The following OPHN1 variants were observed in gnomAD, a reference collection of about 807,000 sequenced individuals.
OPHN1 encodes oligophrenin 1.
Under a neutral mutation model 60.7 loss-of-function variants are expected in OPHN1, and 11 were observed. That is an observed-to-expected ratio of 0.18 (90% CI 0.11 to 0.30). The LOEUF is 0.30. Ranked by LOEUF, OPHN1 falls within the 10% of genes least tolerant of loss-of-function variation. The pLI, the probability that OPHN1 is intolerant of heterozygous loss-of-function variation, is 1.00. For missense variants in OPHN1, 449 were observed against 611.0 expected, an observed-to-expected ratio of 0.73 and a Z score of 2.80; for synonymous variants, 226 against 222.6, an observed-to-expected ratio of 1.02 and a Z score of -0.14.
intron 2 of OPHN1, among the ~76,000 whole-genome samples, chrX:68,391,965 A>G (rs1223506198): frequency 8.9e-6 from 1 of 112,148 alleles, no homozygotes; most frequent in Non-Finnish European, 1.9e-5. Context: ...GACCTCCAGA[A>G]CTATCAGATA....
intron 2 of OPHN1, among the ~76,000 whole-genome samples, chrX:68,405,853 G>C (rs2078739975): frequency 9.0e-6 from 1 of 111,467 alleles, no homozygotes; most frequent in Non-Finnish European, 1.9e-5. Context: ...ATTATATAAA[G>C]GGCAATGAGG....
At chrX:68,302,727 G>A (rs1032076367) in intron 2 of OPHN1, among the ~76,000 whole-genome samples, 1 of 111,368 alleles carries the variant, frequency 9.0e-6, no homozygotes, top group African/African-American at 3.3e-5. Context: ...AGATCAGCCT[G>A]GGCAATATAG....
chrX:68,105,914 G>T (rs2077079563), intron 18 of OPHN1, among the ~76,000 whole-genome samples: 1 of 110,525 alleles, frequency 9.0e-6, no homozygotes, highest in East Asian at 2.8e-4. Context: ...CCTATAAAAG[G>T]CCACTTTTGG....
intron 6 of OPHN1, among the ~76,000 whole-genome samples, chrX:68,214,713 T>C (rs2077600121): frequency 8.9e-6 from 1 of 112,176 alleles, no homozygotes; most frequent in African/African-American, 3.2e-5. Flanking sequence ...TATAAGACTG[T>C]AGGCCAAGTG....
At chrX:68,386,949 G>C (rs2078627384) in intron 2 of OPHN1, among the ~76,000 whole-genome samples, 2 of 111,467 alleles carry the variant, frequency 1.8e-5, no homozygotes, top group South Asian at 7.6e-4. Flanking sequence ...CTAACATTTG[G>C]AAAGGGTGGG....
chrX:68,251,474 G>C (rs543428520), intron 5 of OPHN1, among the ~76,000 whole-genome samples: 1 of 109,642 alleles, frequency 9.1e-6, no homozygotes, highest in Non-Finnish European at 1.9e-5. Context: ...GAGAGCCACC[G>C]CACCTGGCCC....
rs142035439 is a variant in OPHN1 at position 68,271,739 on chromosome X, G to C, written c.384+2999C>G. On this transcript the variant is annotated intron_variant, in intron 5 of 24. Transcript: ENST00000355520. ...AGGTGAGCTCAACGGGGCCAGCCTT[G>C]TTTGGTGAGAACCCCCTAGGGTGCA... is the stretch of plus-strand genomic sequence containing the variant. Among the ~76,000 whole-genome samples, 43 of 111,302 alleles carry C rather than the reference G, an allele frequency of 3.9e-4. No individual in the cohort carries two copies. The East Asian group carries it at 0.012, about 30-fold the overall frequency.
intron 5 of OPHN1, among the ~76,000 whole-genome samples, chrX:68,267,550 G>C (rs2077937980): frequency 8.9e-6 from 1 of 112,350 alleles, no homozygotes; most frequent in African/African-American, 3.2e-5. Context: ...GAAACTGATA[G>C]CACTAAATGC....
chrX:68,095,986 G>T (rs1321292031), intron 19 of OPHN1, among the ~76,000 whole-genome samples: 1 of 111,495 alleles, frequency 9.0e-6, no homozygotes, highest in Non-Finnish European at 1.9e-5. Flanking sequence ...AATGAGATGG[G>T]GTTCGAATAA....
At chrX:68,209,898 C>T (rs1341165438) in intron 9 of OPHN1, among the ~76,000 whole-genome samples, 1 of 111,297 alleles carries the variant, frequency 9.0e-6, no homozygotes, top group Non-Finnish European at 1.9e-5. Context: ...GATTAAAGAA[C>T]AAATAATACC....
chrX:68,125,710 G>C (rs1343087848), intron 15 of OPHN1, among the ~76,000 whole-genome samples: 1 of 107,262 alleles, frequency 9.3e-6, no homozygotes, highest in Non-Finnish European at 1.9e-5. Flanking sequence ...GCAAAGAAAA[G>C]TCTGGGACCC....
chrX:68,280,047 A>T (rs1346364695), intron 4 of OPHN1, among the ~76,000 whole-genome samples: 1 of 111,982 alleles, frequency 8.9e-6, no homozygotes. Flanking sequence ...CATAGGCAGC[A>T]GTCCACAAAC....
chrX:68,109,211 A>G (rs766482723), intron 18 of OPHN1, among the ~76,000 whole-genome samples: 2 of 110,761 alleles, frequency 1.8e-5, no homozygotes, highest in African/African-American at 6.6e-5. Flanking sequence ...CCACTCATCT[A>G]CTTTCTTTCT....
chrX:68,292,501 C>T (rs748320536), intron 3 of OPHN1, among the ~76,000 whole-genome samples: 51 of 111,648 alleles, frequency 4.6e-4, no homozygotes, highest in African/African-American at 1.6e-3. Context: ...AAGTCTTCCA[C>T]TTTTGAAAAT....
At chrX:68,259,589 A>C (rs2077883556) in intron 5 of OPHN1, among the ~76,000 whole-genome samples, 1 of 111,997 alleles carries the variant, frequency 8.9e-6, no homozygotes, top group African/African-American at 3.2e-5. Context: ...GTACCAAACT[A>C]TTCTGAGCAT....
At chrX:68,432,768 G>T in intron 2 of OPHN1, 99 bp downstream of exon 2, 1 of 969,687 alleles carries the variant, frequency 1.0e-6, no homozygotes, top group Non-Finnish European at 1.5e-6. Flanking sequence ...ATCTGGGCTG[G>T]GAGTCACCCT....
chrX:68,333,688 GAC>G (rs756801078), intron 2 of OPHN1, among the ~76,000 whole-genome samples: 187 of 103,943 alleles, frequency 1.8e-3, no homozygotes, highest in African/African-American at 3.1e-3. Context: ...CACACACACA[GAC>G]ACACACACAC....
intron 18 of OPHN1, among the ~76,000 whole-genome samples, chrX:68,108,556 T>C (rs2077091179): frequency 1.8e-5 from 2 of 111,765 alleles, no homozygotes; most frequent in South Asian, 7.4e-4. Context: ...AACATTAACA[T>C]ATTTACTTTT....
intron 6 of OPHN1, among the ~76,000 whole-genome samples, chrX:68,227,639 T>C (rs372848417): frequency 1.8e-5 from 2 of 110,901 alleles, no homozygotes; most frequent in Non-Finnish European, 3.8e-5. Context: ...AACTGAACAA[T>C]CTGCTCCTGA....
Sources: allele counts gnomAD v4.1 joint callset (sites outside exome capture counted in the v4.1 genomes callset), GRCh38; gene constraint gnomAD v4.1.1; transcripts MANE v1.5; gene names NCBI Gene and HGNC (gene_info 2026-07-23, HGNC 2026-07-21).